GPRC5A: variants seen among roughly 807,000 people sequenced by gnomAD.
GPRC5A encodes G protein-coupled receptor class C group 5 member A.
In GPRC5A, 19 loss-of-function variants were observed where a neutral mutation model predicts 22.5. That is an observed-to-expected ratio of 0.85 (90% CI 0.59 to 1.24). The LOEUF (loss-of-function observed/expected upper bound fraction) is 1.24, where lower values mean the gene tolerates loss of function less well. Ranked by LOEUF, GPRC5A falls within the 50% of genes most tolerant of loss-of-function variation. GPRC5A has a pLI of 0.00. For synonymous variants in GPRC5A, 192 were observed against 184.5 expected (o/e 1.04, Z -0.33); for missense variants, 471 against 451.1 (o/e 1.04, Z -0.40).
At position 12,908,549 on chromosome 12, in the gene GPRC5A, C is replaced by T. The variant is rs375121837; in HGVS notation, c.300C>T (p.Leu100=). Residue 100 remains leucine, a synonymous_variant, in exon 2 of 4, where the codon CTC becomes CTT. Transcript: ENST00000014914. ...DGSTGPTRFF[L]FGILFSICFS... is the part of the protein sequence containing the mutation. ...GCACAGGGCCCACACGCTTCTTCCT[C>T]TTTGGGATCCTCTTTTCCATCTGCT... The T allele has an allele frequency of 1.9e-6, 3 of 1,614,054 alleles. No individual in the cohort carries two copies. The highest frequency in any genetic ancestry group is 1.7e-5 in the Admixed American group (1 of 59,974).
Position 12,906,683 on chromosome 12 carries a change from G to A in GPRC5A, c.-7-1560G>A, listed in dbSNP as rs185755010. ...CCATCCAGGACGTTCCTCTTTACAG[G>A]TAGCCAATTTAGAGCTGGTTATGAC... On this transcript the variant is annotated intron_variant, in intron 1 of 3. Coordinates refer to ENST00000014914, the MANE Select transcript of GPRC5A (RefSeq NM_003979.4). Among the ~76,000 whole-genome samples, 11 of 152,274 alleles carry A rather than the reference G, an allele frequency of 7.2e-5. No individual in the cohort carries two copies. The East Asian group carries it at 1.9e-3, about 27-fold the overall frequency.
rs750749338 is a variant in GPRC5A, at chr12:12,908,538, C to A, written c.289C>A (p.Arg97Ser). The change falls in exon 2 of 4, where the codon CGC (arginine) becomes AGC (serine). Residue 97 changes from arginine (R) to serine (S), a missense_variant. Physicochemically the swap from Arg to Ser is moderately radical, Grantham distance 110. Transcript: ENST00000014914. ...ACTGGACGGGAGCACAGGGCCCACA[C>A]GCTTCTTCCTCTTTGGGATCCTCTT... ...IGLDGSTGPTRFFLFGILFSI... is the reference protein window; with the variant it reads ...IGLDGSTGPTSFFLFGILFSI... 4.3e-6 allele frequency: 7 copies of A among 1,614,152 alleles called. No individual in the cohort carries two copies. Among genetic ancestry groups the A allele is most frequent in the Non-Finnish European group, 2.5e-6 (3 of 1,180,036 alleles).
In GPRC5A at chr12:12,908,772, G is replaced by A. The variant is rs1183709820; in HGVS notation, c.523G>A (p.Glu175Lys). The change falls in exon 2 of 4, where the codon GAA becomes AAA. Residue 175 changes from glutamate (E) to lysine (K), a missense_variant. Coordinates refer to ENST00000014914, the MANE Select transcript of GPRC5A (RefSeq NM_003979.4). ...FSELSAPRRN[E>K]DFVLLLTYVL... ...TGAGCTTTCCGCTCCTCGTCGCAAT[G>A]AAGACTTTGTCCTCCTGCTCACCTA... is the stretch of plus-strand genomic sequence containing the variant. 2 of 1,614,244 alleles carry A rather than the reference G, an allele frequency of 1.2e-6. No homozygotes were observed. Among genetic ancestry groups the A allele is most frequent in the Non-Finnish European group, 1.7e-6 (2 of 1,180,042 alleles).
chr12:12,901,775 A>C (rs1270596256), intron 1 of GPRC5A, among the ~76,000 whole-genome samples: 1 of 151,986 alleles, frequency 6.6e-6, no homozygotes, highest in East Asian at 1.9e-4. Flanking sequence ...AAAAAAAAAA[A>C]AAAAAAAACC....
At chr12:12,910,612 C>A (rs1320865975) in intron 2 of GPRC5A, among the ~76,000 whole-genome samples, 1 of 152,158 alleles carries the variant, frequency 6.6e-6, no homozygotes, top group South Asian at 2.1e-4. Flanking sequence ...TGCTTTCCTG[C>A]CTGTGCCTGT....
chr12:12,904,659 T>A (rs927048286), intron 1 of GPRC5A, among the ~76,000 whole-genome samples: 116 of 152,290 alleles, frequency 7.6e-4, no homozygotes, highest in African/African-American at 2.6e-3. Context: ...CCAAATTTTA[T>A]TAAAATTCGG....
chr12:12,911,313 C>T (rs780666514), intron 2 of GPRC5A, among the ~76,000 whole-genome samples: 5 of 152,078 alleles, frequency 3.3e-5, no homozygotes, highest in Non-Finnish European at 7.4e-5. Context: ...TGGTTTTCCC[C>T]AAATACACAG....
rs1148732 is a variant in GPRC5A at position 12,915,357 on chromosome 12, G to C, written c.*2818G>C. On this transcript the variant is annotated 3_prime_UTR_variant, in exon 4 of 4. Coordinates refer to ENST00000014914, the MANE Select transcript of GPRC5A (RefSeq NM_003979.4). ...ATCTGAGCAGCAATTTGAATCACTTGTTGAAAAACACACAAAATATATTTT... is the reference window on the plus strand; with the variant it reads ...ATCTGAGCAGCAATTTGAATCACTTCTTGAAAAACACACAAAATATATTTT... 96,576 of 152,030 alleles carry C rather than the reference G, an allele frequency of 0.64. 31,492 individuals carry two copies. Among genetic ancestry groups the C allele is most frequent in the East Asian group, 0.92 (4,765 of 5,172 alleles). 9.4% of individuals were successfully genotyped at this position (152,030 alleles called of 1,614,324 possible).
chr12:12,916,014 A>T lies in GPRC5A; in HGVS notation c.*3475A>T, dbSNP rs1013800416. The T allele has an allele frequency of 6.9e-6, 2 of 291,710 alleles. No individual in the cohort carries two copies. Among genetic ancestry groups the T allele is most frequent in the Admixed American group, 4.7e-5 (1 of 21,344 alleles). The allele number at this position is 291,710 out of a possible 1,614,324, so 18.1% of individuals were successfully genotyped here. A position where few individuals can be genotyped will look rare whatever the true frequency, so the allele number is the denominator to read the frequency against. On this transcript the variant is annotated 3_prime_UTR_variant, in exon 4 of 4. Transcript: ENST00000014914. ...TTCTGCACATAAATAAGCTATTTTT[A>T]AAAGTTATTATTTTTTTACTCTTTC...
At chr12:12,893,707 T>C (rs952602351) in intron 1 of GPRC5A, among the ~76,000 whole-genome samples, 6 of 152,208 alleles carry the variant, frequency 3.9e-5, no homozygotes, top group African/African-American at 1.4e-4. Flanking sequence ...AAATATGGCC[T>C]ATAGCCTCTT....
At chr12:12,893,191 A>G (rs10772610) in intron 1 of GPRC5A, among the ~76,000 whole-genome samples, 93,046 of 152,114 alleles carry the variant, frequency 0.61, 29,624 homozygotes, top group Admixed American at 0.72. Flanking sequence ...TGAGTTCCTC[A>G]TAGGGGTCTT....
At chr12:12,904,503 TC>T (rs1390665184) in intron 1 of GPRC5A, among the ~76,000 whole-genome samples, 1 of 152,106 alleles carries the variant, frequency 6.6e-6, no homozygotes, top group East Asian at 1.9e-4. Context: ...GTGCCATCCG[TC>T]TCTCTCTTCT....
chr12:12,908,453 G>T lies in GPRC5A; in HGVS notation c.204G>T (p.Gln68His). The change falls in exon 2 of 4, where the codon CAG becomes CAT. Residue 68 changes from glutamine (Q) to histidine (H), a missense_variant. Gln to His is a conservative substitution (Grantham distance 24). Transcript: ENST00000014914. ...ACAGGCGAAAAATGCTGCCTACTCAGTTTCTCTTCCTCCTGGGTGTGTTGG... is the reference window on the plus strand; with the variant it reads ...ACAGGCGAAAAATGCTGCCTACTCATTTTCTCTTCCTCCTGGGTGTGTTGG... ...DSNRRKMLPT[Q>H]FLFLLGVLGI... The T allele has an allele frequency of 6.2e-7, 1 of 1,614,068 alleles. No individual in the cohort carries two copies.
intron 1 of GPRC5A, among the ~76,000 whole-genome samples, chr12:12,904,149 C>T (rs904010378): frequency 2.6e-5 from 4 of 152,038 alleles, no homozygotes; most frequent in Non-Finnish European, 5.9e-5. Flanking sequence ...CCGCTCGCCG[C>T]CCTTGAAGGA....
At position 12,900,688 on chromosome 12, in the gene GPRC5A, C is replaced by T. The variant is rs966491023; in HGVS notation, c.-7-7555C>T. 5.3e-5 allele frequency among the ~76,000 whole-genome samples: 8 copies of T among 151,730 alleles called. No homozygotes were observed. In the South Asian group the frequency reaches 6.2e-4, roughly 12 times the overall value. On this transcript the variant is annotated intron_variant, in intron 1 of 3. Transcript: ENST00000014914. The stretch of plus-strand genomic sequence containing the variant: ...CGAGGCGGGCCTGAGGTCGGGAGGT[C>T]GAGACCAGCCTGACCAACATGGAGA...
chr12:12,907,316 A>T (rs1372661014), intron 1 of GPRC5A, among the ~76,000 whole-genome samples: 1 of 143,724 alleles, frequency 7.0e-6, no homozygotes, highest in African/African-American at 2.6e-5. Context: ...CAGGAGAATC[A>T]CTTGAGCCCG....
Position 12,909,171 on chromosome 12 carries a change from G to A in GPRC5A, c.922G>A (p.Gly308Ser). 1.3e-6 allele frequency: 2 copies of A among 1,570,024 alleles called. No homozygotes were observed. The highest frequency in any genetic ancestry group is 8.6e-7 in the Non-Finnish European group (1 of 1,160,518). ...CTACTCTCAAGAGGAAATCACTCAA[G>A]GTACAGATGCAGCCTGGCTAGGCAG... ...RAYSQEEITQGFEETGDTLYA... is the reference protein window; with the variant it reads ...RAYSQEEITQSFEETGDTLYA... Residue 308 changes from glycine to serine, a missense_variant and splice_region_variant, in exon 2 of 4, where the codon GGT becomes AGT. Coordinates refer to ENST00000014914, the MANE Select transcript of GPRC5A (RefSeq NM_003979.4).
Position 12,908,876 on chromosome 12 carries a change from T to C in GPRC5A, c.627T>C (p.His209=), listed in dbSNP as rs771231616. 1.2e-6 allele frequency: 2 copies of C among 1,614,144 alleles called. No homozygotes were observed. Among genetic ancestry groups the C allele is most frequent in the South Asian group, 1.1e-5 (1 of 91,084 alleles). ...GTTCCTTCACGGGCTGGAAGAGACA[T>C]GGGGCCCACATCTACCTCACGATGC... ...FCGSFTGWKR[H]GAHIYLTMLL... Residue 209 remains histidine, a synonymous_variant, in exon 2 of 4, where the codon CAT becomes CAC. Coordinates refer to ENST00000014914, the MANE Select transcript of GPRC5A (RefSeq NM_003979.4).
chr12:12,912,272 T>C, intron 3 of GPRC5A, 130 bp downstream of exon 3: 1 of 878,270 alleles, frequency 1.1e-6, no homozygotes, highest in Non-Finnish European at 1.9e-6. Flanking sequence ...GGGTCTTCTT[T>C]CCTCTAAGCG....
Sources: gnomAD v4.1 joint callset for allele counts (sites outside exome capture counted in the v4.1 genomes callset) on GRCh38, gnomAD v4.1.1 for gene constraint, MANE v1.5 for transcripts, NCBI Gene and HGNC (gene_info 2026-07-23, HGNC 2026-07-21) for gene names.